FBLN1: variants seen among roughly 807,000 people sequenced by gnomAD.
The protein encoded by FBLN1 is fibulin 1.
FBLN1 carries 34 observed loss-of-function variants against 89.7 expected under a neutral mutation model. That is an observed-to-expected ratio of 0.38 (90% confidence interval 0.29 to 0.50). The LOEUF (loss-of-function observed/expected upper bound fraction) is 0.50, where lower values mean the gene tolerates loss of function less well. Ranked by LOEUF, FBLN1 falls within the 20% of genes least tolerant of loss-of-function variation. FBLN1 has a pLI of 0.92. For missense variants in FBLN1, 777 were observed against 988.1 expected (o/e 0.79, Z 2.86); for synonymous variants, 393 against 391.3 (o/e 1.00, Z -0.05).
At position 45,595,556 on chromosome 22, in the gene FBLN1, A is replaced by G. The variant is rs538617624; in HGVS notation, c.1973-4751A>G. On this transcript the variant is annotated intron_variant, in intron 16 of 16. Coordinates refer to ENST00000327858, the MANE Select transcript of FBLN1 (RefSeq NM_006486.3). ...CTCGTCTCACCACGCAGCTGTTTAC[A>G]ATCAGCTTGGAGCTCTGGTCTTCAG... Among the ~76,000 whole-genome samples the G allele has an allele frequency of 7.8e-5, 9 of 115,258 alleles. No homozygotes were observed. In the South Asian group the frequency reaches 2.4e-3, roughly 31 times the overall value. The allele number at this position is 115,258 out of a possible 152,430, so 75.6% of individuals were successfully genotyped here.
intron 7 of FBLN1, 120 bp from the exon 8 acceptor site, chr22:45,535,080 G>A: frequency 8.7e-7 from 1 of 1,144,920 alleles, no homozygotes; most frequent in South Asian, 1.3e-5. Flanking sequence ...CTATTAGAAT[G>A]TTTTGGGTTA....
chr22:45,515,925 C>T (rs1268476623), intron 1 of FBLN1, among the ~76,000 whole-genome samples: 2 of 152,216 alleles, frequency 1.3e-5, no homozygotes, highest in African/African-American at 4.8e-5. Flanking sequence ...ACTGTTTCTA[C>T]TCAACTCTGT....
At chr22:45,559,575 G>A (rs1447449901) in intron 14 of FBLN1, among the ~76,000 whole-genome samples, 1 of 152,122 alleles carries the variant, frequency 6.6e-6, no homozygotes, top group African/African-American at 2.4e-5. Flanking sequence ...CTGCATTCTG[G>A]CACTGGGAAA....
At chr22:45,533,731 T>G (rs762096216) in intron 6 of FBLN1, 30 bp from the exon 7 acceptor site, 4 of 1,606,308 alleles carry the variant, frequency 2.5e-6, no homozygotes, top group Admixed American at 3.3e-5. Flanking sequence ...TTCTTGCTGG[T>G]CACCCCCGCA....
At chr22:45,565,700 G>T in intron 14 of FBLN1, 1 of 165,994 alleles carries the variant, frequency 6.0e-6, no homozygotes. Flanking sequence ...GCAGGTTGAT[G>T]GATGGATGGA....
rs190890810 is a variant in FBLN1, at chr22:45,600,359, G to A, written c.2025G>A (p.Lys675=). Residue 675 remains lysine, a synonymous_variant, in exon 17 of 17, where the codon AAG becomes AAA. Transcript: ENST00000327858. The part of the protein sequence containing the change: ...PIVGPFHAVL[K]LEMNYVVGGV... ...TGGGCCCATTTCATGCCGTCCTGAA[G>A]CTGGAGATGAACTATGTGGTCGGGG... The A allele has an allele frequency of 2.2e-4, 350 of 1,614,226 alleles. 3 individuals carry two copies. In the East Asian group the frequency reaches 6.8e-3, roughly 31 times the overall value.
Position 45,541,239 on chromosome 22 carries a change from G to A in FBLN1, c.933G>A (p.Glu311=). 2 of 1,614,242 alleles carry A rather than the reference G, an allele frequency of 1.2e-6. No individual in the cohort carries two copies. Among genetic ancestry groups the A allele is most frequent in the Middle Eastern group, 1.6e-4 (1 of 6,062 alleles). Residue 311 remains glutamate (E), a synonymous_variant, in exon 9 of 17, where the codon GAG becomes GAA. Coordinates refer to ENST00000327858, the MANE Select transcript of FBLN1 (RefSeq NM_006486.3). Reference sequence around the variant, plus strand: ...CTTTTCCCGCTGTAGATATCAATGAGTGTTTGAGTATCAGTGCCCCGTGCC... The same window carrying A: ...CTTTTCCCGCTGTAGATATCAATGAATGTTTGAGTATCAGTGCCCCGTGCC... ...DALGNCIDIN[E]CLSISAPCPI... is the part of the protein sequence containing the mutation.
At chr22:45,595,587 G>A (rs765033809) in intron 16 of FBLN1, among the ~76,000 whole-genome samples, 27 of 19,452 alleles carry the variant, frequency 1.4e-3, no homozygotes, top group Non-Finnish European at 2.9e-3. Flanking sequence ...TTCAGCCATT[G>A]TAGAGACCAA....
intron 1 of FBLN1, among the ~76,000 whole-genome samples, chr22:45,505,513 C>T (rs556256186): frequency 1.3e-5 from 2 of 152,334 alleles, no homozygotes; most frequent in East Asian, 3.9e-4. Context: ...TGCCCCCCAA[C>T]TCAGGGCTGC....
At chr22:45,525,177 GAA>G (rs368675331) in intron 2 of FBLN1, among the ~76,000 whole-genome samples, 68 of 127,456 alleles carry the variant, frequency 5.3e-4, no homozygotes, top group African/African-American at 2.0e-3. Flanking sequence ...GAGAAAGGGA[GAA>G]AGAGAGAGAG....
chr22:45,555,891 G>A (rs1399957844), intron 14 of FBLN1, among the ~76,000 whole-genome samples: 1 of 152,202 alleles, frequency 6.6e-6, no homozygotes, highest in Non-Finnish European at 1.5e-5. Flanking sequence ...AAATGCTGAT[G>A]TGAATTCAAT....
chr22:45,525,787 C>T lies in FBLN1; in HGVS notation c.321+109C>T. ...GTCAGCGCTCCCTGCCTCAGGCCAC[C>T]TTTCTTTGTGAGCAGCTGGGGGTTC... On this transcript the variant is annotated intron_variant, in intron 3 of 16. Transcript: ENST00000327858. The T allele has an allele frequency of 4.9e-6, 7 of 1,432,872 alleles. No individual in the cohort carries two copies. In the South Asian group the frequency reaches 8.6e-5, roughly 18 times the overall value. 88.8% of individuals were successfully genotyped at this position (1,432,872 alleles called of 1,614,324 possible).
intron 6 of FBLN1, 134 bp from the exon 7 acceptor site, chr22:45,533,627 C>T: frequency 1.0e-6 from 1 of 972,742 alleles, no homozygotes; most frequent in East Asian, 2.4e-5. Context: ...CGGATGTGCA[C>T]ATGGTGGACC....
intron 3 of FBLN1, among the ~76,000 whole-genome samples, chr22:45,527,208 G>T (rs138443512): frequency 6.6e-6 from 1 of 152,206 alleles, no homozygotes; most frequent in Non-Finnish European, 1.5e-5. Context: ...AGGGCTTTTC[G>T]TGTGTCAGGG....
chr22:45,596,074 T>C (rs1007746900), intron 16 of FBLN1, among the ~76,000 whole-genome samples: 1 of 152,320 alleles, frequency 6.6e-6, no homozygotes, highest in Non-Finnish European at 1.5e-5. Flanking sequence ...TTTCACCGTG[T>C]TAGCCAGGAT....
rs749537377 is a variant in FBLN1 at position 45,543,496 on chromosome 22, C to T, written c.1291C>T (p.Arg431Trp). ...CCTCTGCAGCTGTTCCGTGGGCTTCCGGCTCTCTGTGGATGGCAGGTCATG... is the reference window on the plus strand; with the variant it reads ...CCTCTGCAGCTGTTCCGTGGGCTTCTGGCTCTCTGTGGATGGCAGGTCATG... ...SYLCSCSVGF[R>W]LSVDGRSCED... is the part of the protein sequence containing the mutation. The change falls in exon 11 of 17, where the codon CGG (arginine) becomes TGG (tryptophan). Residue 431 changes from arginine (R) to tryptophan (W), a missense_variant. Physicochemically the swap from Arg to Trp is moderately radical, Grantham distance 101. Coordinates refer to ENST00000327858, the MANE Select transcript of FBLN1 (RefSeq NM_006486.3). 24 of 1,613,660 alleles carry T rather than the reference C, an allele frequency of 1.5e-5. No homozygotes were observed. Among genetic ancestry groups the T allele is most frequent in the Admixed American group, 6.7e-5 (4 of 60,002 alleles).
chr22:45,592,615 A>T (rs1298315524), intron 16 of FBLN1, among the ~76,000 whole-genome samples: 1 of 152,194 alleles, frequency 6.6e-6, no homozygotes, highest in East Asian at 1.9e-4. Flanking sequence ...GGCGTGAGTC[A>T]CCACGCCCGG....
rs1569260069 is a variant in FBLN1 at position 45,568,506 on chromosome 22, G to GC, written c.1698-6004dup. ...GGGAATGCCTCTTCTGTAGGGGAGTGCTCCTTCTGTAGGGGAATGCCTCTT... is the reference window on the plus strand; with the variant it reads ...GGGAATGCCTCTTCTGTAGGGGAGTGCCTCCTTCTGTAGGGGAATGCCTCTT... On this transcript the variant is annotated intron_variant, in intron 14 of 16. Coordinates refer to ENST00000327858, the MANE Select transcript of FBLN1 (RefSeq NM_006486.3). Among the ~76,000 whole-genome samples, 827 of 143,354 alleles carry GC rather than the reference G, an allele frequency of 5.8e-3. 163 individuals are homozygous for GC. The highest frequency in any genetic ancestry group is 0.02 in the African/African-American group (774 of 38,212). 94.0% of individuals were successfully genotyped at this position (143,354 alleles called of 152,430 possible). A position where few individuals can be genotyped will look rare whatever the true frequency, so the allele number is the denominator to read the frequency against.
In FBLN1 at chr22:45,549,287, G is replaced by A. The variant is rs2088671597; in HGVS notation, c.1573+543G>A. 6.6e-6 allele frequency among the ~76,000 whole-genome samples: 1 copy of A among 152,226 alleles called. No homozygotes were observed. Among genetic ancestry groups the A allele is most frequent in the Non-Finnish European group, 1.5e-5 (1 of 68,042 alleles). ...CCATCCATTCAATCACTGACAGCGGGTGCTGAGTAGATGTTTGTGAGCGCG... is the reference window on the plus strand; with the variant it reads ...CCATCCATTCAATCACTGACAGCGGATGCTGAGTAGATGTTTGTGAGCGCG... On this transcript the variant is annotated intron_variant, in intron 13 of 16. Coordinates refer to ENST00000327858, the MANE Select transcript of FBLN1 (RefSeq NM_006486.3). This position sits in a 1 kb window ranked among gnomAD's most constrained non-coding sequence, Gnocchi z 5.7.
Sources: gnomAD v4.1 joint callset for allele counts (sites outside exome capture counted in the v4.1 genomes callset) on GRCh38, gnomAD v4.1.1 for gene constraint, Gnocchi (gnomAD v3.1) non-coding constraint, MANE v1.5 for transcripts, NCBI Gene and HGNC (gene_info 2026-07-23, HGNC 2026-07-21) for gene names.